TRAPPC13: variants seen among roughly 807,000 people sequenced by gnomAD.
TRAPPC13 encodes trafficking protein particle complex subunit 13.
TRAPPC13 carries 39 observed loss-of-function variants against 54.0 expected under a neutral mutation model. The observed-to-expected ratio is 0.72, with a 90% CI of 0.56 to 0.94. TRAPPC13 has a LOEUF of 0.94. Ranked by LOEUF, TRAPPC13 falls within the 40% of genes least tolerant of loss-of-function variation. The pLI is 0.00. For synonymous variants in TRAPPC13, 148 were observed against 167.7 expected, an observed-to-expected ratio of 0.88 and a Z score of 0.91; for missense variants, 386 against 488.1, an observed-to-expected ratio of 0.79 and a Z score of 1.97.
chr5:65,660,061 CT>C (rs936306356), intron 9 of TRAPPC13, among the ~76,000 whole-genome samples: 5 of 149,298 alleles, frequency 3.3e-5, no homozygotes, highest in African/African-American at 9.8e-5. Flanking sequence ...GAAAAGTTTG[CT>C]TTTATATTCT....
At chr5:65,646,158 A>AT (rs1394004154) in intron 4 of TRAPPC13, among the ~76,000 whole-genome samples, 1 of 151,254 alleles carries the variant, frequency 6.6e-6, no homozygotes, top group East Asian at 1.9e-4. Context: ...CAAAAGTTGA[A>AT]TGTGGTAGAA....
At chr5:65,650,204 C>T (rs1756376207) in intron 5 of TRAPPC13, among the ~76,000 whole-genome samples, 1 of 124,274 alleles carries the variant, frequency 8.0e-6, no homozygotes, top group African/African-American at 3.1e-5. Context: ...TCTTGTTGCT[C>T]AGGCTGGAGT....
At position 65,662,133 on chromosome 5, in the gene TRAPPC13, TA is replaced by T; in HGVS notation, c.985del (p.Ile329Ter). 1 of 1,605,422 alleles carries T rather than the reference TA, an allele frequency of 6.2e-7. No homozygotes were observed. The highest frequency in any genetic ancestry group is 1.1e-5 in the South Asian group (1 of 89,860). Reference sequence around the variant, plus strand: ...TTGAAGAACCTTTTCATATTACCTGTAAAATAACAAACTGCAGGTAATGCCA... The same window carrying T: ...TTGAAGAACCTTTTCATATTACCTGTAAATAACAAACTGCAGGTAATGCCA... ...NLEEPFHITC[K>X]ITNCSERTMD... On this transcript the variant is annotated frameshift_variant, in exon 11 of 13. Coordinates refer to ENST00000399438, the MANE Select transcript of TRAPPC13 (RefSeq NM_024941.4). LOFTEE classifies it high-confidence loss of function.
chr5:65,627,149 A>AAAAC (rs1755278701), intron 1 of TRAPPC13, among the ~76,000 whole-genome samples: 1 of 146,922 alleles, frequency 6.8e-6, no homozygotes, highest in African/African-American at 2.5e-5. Flanking sequence ...AAAAAAAAAA[A>AAAAC]AAAAAAAAGA....
At position 65,665,526 on chromosome 5, in the gene TRAPPC13, G is replaced by A. The variant is rs1328607677; in HGVS notation, c.*915G>A. On this transcript the variant is annotated 3_prime_UTR_variant, in exon 13 of 13. Transcript: ENST00000399438. The stretch of plus-strand genomic sequence containing the variant: ...CATCAGAATTGGTTTTACTTTTTAG[G>A]TTGTTGATTTTTTTTAATTAACTAT... 6.6e-6 allele frequency: 1 copy of A among 151,764 alleles called. No individual in the cohort carries two copies. The highest frequency in any genetic ancestry group is 1.5e-5 in the Non-Finnish European group (1 of 67,950). The allele number at this position is 151,764 out of a possible 1,614,324, so 9.4% of individuals were successfully genotyped here.
At chr5:65,635,841 C>A in intron 2 of TRAPPC13, 103 bp from the exon 3 acceptor site, 1 of 653,430 alleles carries the variant, frequency 1.5e-6, no homozygotes. Flanking sequence ...TCATCTTTGT[C>A]AAGAGGTTGT....
intron 9 of TRAPPC13, among the ~76,000 whole-genome samples, chr5:65,659,738 C>G (rs1407221327): frequency 6.6e-6 from 1 of 151,992 alleles, no homozygotes; most frequent in Non-Finnish European, 1.5e-5. Context: ...AATCCTAACC[C>G]TTTGGAAGGC....
At chr5:65,641,580 G>A (rs1020653346) in intron 4 of TRAPPC13, among the ~76,000 whole-genome samples, 5 of 151,900 alleles carry the variant, frequency 3.3e-5, no homozygotes, top group Non-Finnish European at 2.9e-5. Context: ...CCATGGTGGC[G>A]CATACTTGTA....
intron 4 of TRAPPC13, among the ~76,000 whole-genome samples, chr5:65,643,631 A>G (rs1014231618): frequency 2.6e-4 from 39 of 152,042 alleles, no homozygotes; most frequent in Non-Finnish European, 3.8e-4. Context: ...ATCCTGGCTA[A>G]CACGGTGAAA....
In TRAPPC13 at chr5:65,664,780, T is replaced by G; in HGVS notation, c.*169T>G. 1 of 609,190 alleles carries G rather than the reference T, an allele frequency of 1.6e-6. No individual in the cohort carries two copies. The highest frequency in any genetic ancestry group is 2.9e-5 in the East Asian group (1 of 34,152). 37.7% of individuals were successfully genotyped at this position (609,190 alleles called of 1,614,324 possible). A position where few individuals can be genotyped will look rare whatever the true frequency, so the allele number is the denominator to read the frequency against. On this transcript the variant is annotated 3_prime_UTR_variant, in exon 13 of 13. Coordinates refer to ENST00000399438, the MANE Select transcript of TRAPPC13 (RefSeq NM_024941.4). ...GTTTTGAAGAGATCTGATTTTATCT[T>G]GTAATTTATATTTGAAATGAACATG...
At chr5:65,636,086 AC>A (rs1297417131) in intron 3 of TRAPPC13, 43 bp downstream of exon 3, 4 of 1,307,832 alleles carry the variant, frequency 3.1e-6, no homozygotes, top group Non-Finnish European at 4.3e-6. Flanking sequence ...TAAAGCCATT[AC>A]AAATTATGTT....
intron 1 of TRAPPC13, among the ~76,000 whole-genome samples, chr5:65,634,002 T>G (rs1036841257): frequency 1.1e-4 from 10 of 90,486 alleles, no homozygotes; most frequent in Admixed American, 4.6e-4. Flanking sequence ...TTTTTTTTTT[T>G]TGAGACGGAG....
intron 1 of TRAPPC13, chr5:65,629,815 A>C (rs1755450490): frequency 6.5e-7 from 1 of 1,535,968 alleles, no homozygotes; most frequent in African/African-American, 1.4e-5. Flanking sequence ...CCATTTCAGA[A>C]CATGATGCTA....
At chr5:65,630,662 C>T (rs1755507281) in intron 1 of TRAPPC13, 1 of 1,009,110 alleles carries the variant, frequency 9.9e-7, no homozygotes, top group Admixed American at 5.5e-5. Context: ...TTTTTCCTTA[C>T]CTCAAGTGTA....
intron 4 of TRAPPC13, among the ~76,000 whole-genome samples, chr5:65,645,131 G>A (rs1756133993): frequency 6.9e-6 from 1 of 145,512 alleles, no homozygotes; most frequent in South Asian, 2.2e-4. Flanking sequence ...CTGGTAGGCA[G>A]AGGTTGCAGT....
chr5:65,630,849 A>G (rs1047482471), intron 1 of TRAPPC13: 1 of 208,846 alleles, frequency 4.8e-6, no homozygotes, highest in Non-Finnish European at 8.4e-6. Flanking sequence ...GCCTAAAACG[A>G]TAATGTATCC....
intron 8 of TRAPPC13, among the ~76,000 whole-genome samples, chr5:65,657,758 C>T (rs530701794): frequency 7.2e-5 from 11 of 152,238 alleles, no homozygotes; most frequent in African/African-American, 2.6e-4. Context: ...AAAAGCTCTA[C>T]GATGGTGAAG....
intron 4 of TRAPPC13, among the ~76,000 whole-genome samples, chr5:65,641,822 G>A (rs368853060): frequency 2.7e-5 from 4 of 150,846 alleles, no homozygotes; most frequent in African/African-American, 9.7e-5. Context: ...AATCATATGA[G>A]CTAGTTCTTT....
At chr5:65,651,395 C>T (rs190489581) in intron 6 of TRAPPC13, among the ~76,000 whole-genome samples, 60 of 152,218 alleles carry the variant, frequency 3.9e-4, no homozygotes, top group Admixed American at 3.5e-3. Context: ...AAGTAAATAA[C>T]TTGTTTTTAT....
Sources: gnomAD v4.1 joint callset for allele counts (sites outside exome capture counted in the v4.1 genomes callset) on GRCh38, gnomAD v4.1.1 for gene constraint, MANE v1.5 for transcripts, NCBI Gene and HGNC (gene_info 2026-07-23, HGNC 2026-07-21) for gene names.